Variants in PCDH15 observed in about 807,000 individuals in gnomAD.
The protein encoded by PCDH15 is protocadherin related 15, also known as protocadherin-15.
PCDH15 carries 129 observed loss-of-function variants against 178.5 expected under a neutral mutation model. That is an observed-to-expected ratio of 0.72 (90% CI 0.63 to 0.84). PCDH15 has a LOEUF of 0.84. Ranked by LOEUF, PCDH15 falls within the 40% of genes least tolerant of loss-of-function variation. PCDH15 has a pLI of 0.00. For synonymous variants in PCDH15, 800 were observed against 732.0 expected, an observed-to-expected ratio of 1.09 and a Z score of -1.50; for missense variants, 2,230 against 2,099.9, an observed-to-expected ratio of 1.06 and a Z score of -1.21.
intron 2 of PCDH15, among the ~76,000 whole-genome samples, chr10:54,985,904 G>C (rs1467916764): frequency 1.3e-5 from 2 of 152,162 alleles, no homozygotes; most frequent in African/African-American, 4.8e-5. Flanking sequence ...TGCCTTATTT[G>C]AATAGAATTA....
intron 2 of PCDH15, among the ~76,000 whole-genome samples, chr10:55,593,705 A>G (rs930845470): frequency 6.6e-6 from 1 of 151,858 alleles, no homozygotes; most frequent in Admixed American, 6.6e-5. Context: ...AGCCATTTTC[A>G]AAGACTGATT....
intron 2 of PCDH15, among the ~76,000 whole-genome samples, chr10:54,929,251 G>A: frequency 6.6e-6 from 1 of 152,058 alleles, no homozygotes; most frequent in Non-Finnish European, 1.5e-5. Flanking sequence ...CTTGTATTGG[G>A]CCCCAACTTT....
intron 17 of PCDH15, among the ~76,000 whole-genome samples, chr10:54,075,709 G>A (rs957858738): frequency 9.9e-5 from 15 of 152,052 alleles, no homozygotes; most frequent in Admixed American, 2.0e-4. Flanking sequence ...AACTTCATTC[G>A]TTTGCATGTA....
At chr10:55,126,719 A>G (rs1480446846) in intron 2 of PCDH15, among the ~76,000 whole-genome samples, 1 of 152,074 alleles carries the variant, frequency 6.6e-6, no homozygotes, top group East Asian at 1.9e-4. Context: ...ATATTTCTAG[A>G]CATAGATATC....
intron 2 of PCDH15, among the ~76,000 whole-genome samples, chr10:54,656,550 G>A (rs938081310): frequency 6.6e-6 from 1 of 152,186 alleles, no homozygotes; most frequent in Admixed American, 6.5e-5. Flanking sequence ...TGCCGTACTA[G>A]TTGTGTACAC....
At chr10:55,335,725 T>A (rs1844367583) in intron 2 of PCDH15, among the ~76,000 whole-genome samples, 1 of 147,406 alleles carries the variant, frequency 6.8e-6, no homozygotes, top group African/African-American at 2.7e-5. Flanking sequence ...TAAACTATGA[T>A]TTTTTTTAAT....
At chr10:55,272,571 C>T (rs895123101) in intron 1 of PCDH15, among the ~76,000 whole-genome samples, 3 of 151,628 alleles carry the variant, frequency 2.0e-5, no homozygotes, top group African/African-American at 4.9e-5. Flanking sequence ...TTAGTAGAGA[C>T]GTGGTTTTAC....
intron 3 of PCDH15, among the ~76,000 whole-genome samples, chr10:54,520,326 C>T (rs2082710596): frequency 6.6e-6 from 1 of 151,784 alleles, no homozygotes; most frequent in Non-Finnish European, 1.5e-5. Flanking sequence ...TGACAAAGGG[C>T]TAATATCCAG....
chr10:55,538,673 T>C (rs1841670271), intron 2 of PCDH15, among the ~76,000 whole-genome samples: 1 of 5,110 alleles, frequency 2.0e-4, no homozygotes, highest in African/African-American at 8.6e-4. Context: ...CCACATTTCC[T>C]TGCTTCCTCC....
chr10:54,401,036 C>T (rs573835937), intron 3 of PCDH15, among the ~76,000 whole-genome samples: 7 of 151,856 alleles, frequency 4.6e-5, no homozygotes, highest in East Asian at 1.9e-4. Flanking sequence ...CATGTATTTT[C>T]GAAACCATTC....
chr10:55,216,502 G>C (rs1840706018), intron 1 of PCDH15, among the ~76,000 whole-genome samples: 1 of 151,752 alleles, frequency 6.6e-6, no homozygotes, highest in African/African-American at 2.4e-5. Context: ...CAGTTACATA[G>C]TAGAAATAAG....
chr10:54,705,465 T>G (rs918380404), intron 1 of PCDH15, among the ~76,000 whole-genome samples: 11 of 152,198 alleles, frequency 7.2e-5, no homozygotes, highest in Non-Finnish European at 1.5e-4. Flanking sequence ...TATGCAATTT[T>G]GTGCAGTTTA....
intron 8 of PCDH15, among the ~76,000 whole-genome samples, chr10:54,258,571 G>A (rs931848636): frequency 2.0e-5 from 3 of 152,122 alleles, no homozygotes; most frequent in African/African-American, 7.2e-5. Context: ...ATAAAGTTAA[G>A]ACCTGAGCTC....
intron 3 of PCDH15, among the ~76,000 whole-genome samples, chr10:54,508,816 C>A: frequency 6.6e-6 from 1 of 151,982 alleles, no homozygotes; most frequent in Non-Finnish European, 1.5e-5. Context: ...TTGAGTAACC[C>A]TTACCTGAAA....
chr10:55,582,615 TATATATATATA>T (rs1284837596), intron 2 of PCDH15, among the ~76,000 whole-genome samples: 24 of 96,610 alleles, frequency 2.5e-4, no homozygotes, highest in African/African-American at 7.5e-4. Context: ...TATATATATA[TATATATATATA>T]TATTTTTTTT....
chr10:54,906,066 T>C (rs1382545609), intron 2 of PCDH15, among the ~76,000 whole-genome samples: 1 of 152,092 alleles, frequency 6.6e-6, no homozygotes, highest in Non-Finnish European at 1.5e-5. Context: ...CACCCTAAGG[T>C]CAGAGTGAGC....
At chr10:55,226,157 TCA>T (rs763772297) in intron 1 of PCDH15, among the ~76,000 whole-genome samples, 11 of 152,078 alleles carry the variant, frequency 7.2e-5, no homozygotes, top group Non-Finnish European at 1.0e-4. Context: ...CTTTTTATTA[TCA>T]CACGCTAAAA....
chr10:54,372,556 T>C (rs1272570992), intron 4 of PCDH15, among the ~76,000 whole-genome samples: 2 of 151,862 alleles, frequency 1.3e-5, no homozygotes, highest in Non-Finnish European at 2.9e-5. Flanking sequence ...AGGTCATACA[T>C]AAAAGTACAG....
intron 8 of PCDH15, among the ~76,000 whole-genome samples, chr10:54,311,968 T>C (rs2060940072): frequency 6.6e-6 from 1 of 152,138 alleles, no homozygotes; most frequent in South Asian, 2.1e-4. Context: ...TAGGAATGGT[T>C]TCTCAAGTCA....
Sources: allele counts gnomAD v4.1 joint callset (sites outside exome capture counted in the v4.1 genomes callset), GRCh38; gene constraint gnomAD v4.1.1; transcripts MANE v1.5; gene names NCBI Gene and HGNC (gene_info 2026-07-23, HGNC 2026-07-21).